BARHL1: variants seen among roughly 807,000 people sequenced by gnomAD.
BARHL1 encodes barH-like 1 homeobox protein.
Under a neutral mutation model 20.1 loss-of-function variants are expected in BARHL1, and 2 were observed. The ratio of observed to expected loss-of-function variants is 0.10; its 90% CI spans 0.04 to 0.31. The LOEUF (loss-of-function observed/expected upper bound fraction) is 0.31. Among genes scored for constraint, BARHL1 ranks in the 10% least tolerant of loss-of-function variants. BARHL1 has a pLI of 1.00. For synonymous variants in BARHL1, 213 were observed against 209.9 expected (o/e 1.01, Z -0.13); for missense variants, 397 against 454.0 (o/e 0.87, Z 1.14).
At position 132,589,390 on chromosome 9, in the gene BARHL1, C is replaced by A. The variant is rs1250621564; in HGVS notation, c.852C>A (p.Ser284Arg). The change falls in exon 3 of 3, where the codon AGC becomes AGA. Residue 284 changes from serine to arginine, a missense_variant. Coordinates refer to ENST00000263610, the MANE Select transcript of BARHL1 (RefSeq NM_020064.4). ...GAALYLYRGP[S>R]APPPALQRPL... ...CGCTCTACCTGTACCGCGGCCCCAG[C>A]GCGCCGCCGCCTGCTCTCCAGAGAC... 1.6e-5 allele frequency: 26 copies of A among 1,612,460 alleles called. No homozygotes were observed. Among genetic ancestry groups the A allele is most frequent in the South Asian group, 1.1e-5 (1 of 90,978 alleles).
chr9:132,584,167 A>AAGGAAGGAAGGAAGGAAGGG (rs1254098064), intron 1 of BARHL1, among the ~76,000 whole-genome samples: 10 of 139,060 alleles, frequency 7.2e-5, no homozygotes, highest in African/African-American at 2.6e-4. Context: ...GGAAGGAAGG[A>AAGGAAGGAAGGAAGGAAGGG]AGGGAAAGGG....
rs1830196325 is a variant in BARHL1, at chr9:132,590,192, G to C, written c.*670G>C. On this transcript the variant is annotated 3_prime_UTR_variant, in exon 3 of 3. Transcript: ENST00000263610. ...CCCCCAGCCTCAGCCCCGGTCCGGG[G>C]GCAGCCAGGCCTCTCGGGTTCTCTC... The C allele has an allele frequency of 6.6e-6, 1 of 152,174 alleles. No homozygotes were observed. Among genetic ancestry groups the C allele is most frequent in the African/African-American group, 2.4e-5 (1 of 41,458 alleles). The allele number at this position is 152,174 out of a possible 1,614,324, so 9.4% of individuals were successfully genotyped here. A position where few individuals can be genotyped will look rare whatever the true frequency, so the allele number is the denominator to read the frequency against.
rs1349191516 is a variant in BARHL1 at position 132,589,730 on chromosome 9, G to A, written c.*208G>A. On this transcript the variant is annotated 3_prime_UTR_variant, in exon 3 of 3. Coordinates refer to ENST00000263610, the MANE Select transcript of BARHL1 (RefSeq NM_020064.4). ...CTGCGTCTCCCCAGCCCCCCTCGGC[G>A]TCCTCTCTCGCGGCCGCTCTGTCCG... 10 of 631,530 alleles carry A rather than the reference G, an allele frequency of 1.6e-5. No individual in the cohort carries two copies. The highest frequency in any genetic ancestry group is 2.2e-5 in the Non-Finnish European group (10 of 451,356). The allele number at this position is 631,530 out of a possible 1,614,324, so 39.1% of individuals were successfully genotyped here.
chr9:132,584,697 C>A (rs190452400), intron 1 of BARHL1, among the ~76,000 whole-genome samples: 1,917 of 152,318 alleles, frequency 0.013, 13 homozygotes, highest in Non-Finnish European at 0.021. Flanking sequence ...CCAGGCTGTG[C>A]CGACCATGCC....
In BARHL1 at chr9:132,585,285, T is replaced by C. The variant is rs185251130; in HGVS notation, c.466+2022T>C. On this transcript the variant is annotated intron_variant, in intron 1 of 2. Transcript: ENST00000263610. ...GCAGCGAGGCCTTGTCTGGAGCGTTTCTCAAACGTGGAGGGGACCTTTTCA... is the reference window on the plus strand; with the variant it reads ...GCAGCGAGGCCTTGTCTGGAGCGTTCCTCAAACGTGGAGGGGACCTTTTCA... Among the ~76,000 whole-genome samples the C allele has an allele frequency of 6.6e-5, 10 of 152,232 alleles. No individual in the cohort carries two copies. The East Asian group carries it at 1.9e-3, about 29-fold the overall frequency.
chr9:132,587,175 C>T lies in BARHL1; in HGVS notation c.467-154C>T, dbSNP rs1246887824. On this transcript the variant is annotated intron_variant, in intron 1 of 2. Coordinates refer to ENST00000263610, the MANE Select transcript of BARHL1 (RefSeq NM_020064.4). This position sits in a 1 kb window ranked among gnomAD's most constrained non-coding sequence, Gnocchi z 5.5. ...AGGGTTCATGTCCTGTTCCCGGGGC[C>T]CCAGAGGTCCCGTCTGAGAGCGGCC... 1.3e-5 allele frequency among the ~76,000 whole-genome samples: 2 copies of T among 152,220 alleles called. No individual in the cohort carries two copies. The highest frequency in any genetic ancestry group is 2.9e-5 in the Non-Finnish European group (2 of 68,042).
intron 1 of BARHL1, among the ~76,000 whole-genome samples, chr9:132,585,692 A>G (rs1436207664): frequency 1.3e-5 from 2 of 152,184 alleles, no homozygotes; most frequent in African/African-American, 4.8e-5. Flanking sequence ...GAGGAGGCCA[A>G]GGCAGAGTGG....
chr9:132,586,215 A>C (rs572303004), intron 1 of BARHL1, among the ~76,000 whole-genome samples: 8 of 152,232 alleles, frequency 5.3e-5, no homozygotes, highest in Non-Finnish European at 1.2e-4. Flanking sequence ...TCCTACAGAG[A>C]GAAATCACCT....
rs1255400068 is a variant in BARHL1, at chr9:132,587,646, G to T, written c.689+95G>T. 2.2e-5 allele frequency: 28 copies of T among 1,259,194 alleles called. 1 individual carries two copies. The East Asian group carries it at 5.9e-4, about 26-fold the overall frequency. 78.0% of individuals were successfully genotyped at this position (1,259,194 alleles called of 1,614,324 possible). ...CAGGAGTCTACAGGTTGGTGCTAAG[G>T]GAGGGCCCCAGAGCCTCCCCCATTC... On this transcript the variant is annotated intron_variant, in intron 2 of 2. Transcript: ENST00000263610. The surrounding 1 kb of genome is among the most constrained non-coding windows in gnomAD (Gnocchi z 5.5).
At chr9:132,586,978 C>T (rs919288869) in intron 1 of BARHL1, among the ~76,000 whole-genome samples, 1 of 152,264 alleles carries the variant, frequency 6.6e-6, no homozygotes, top group Non-Finnish European at 1.5e-5. Flanking sequence ...CCTACGCTGG[C>T]AGGCTGGGTC....
At chr9:132,585,531 G>A (rs1564260623) in intron 1 of BARHL1, among the ~76,000 whole-genome samples, 2 of 152,162 alleles carry the variant, frequency 1.3e-5, no homozygotes, top group Admixed American at 1.3e-4. Context: ...CGACACTAGC[G>A]GCTGGATCCA....
chr9:132,586,374 C>T (rs1212642746), intron 1 of BARHL1, among the ~76,000 whole-genome samples: 1 of 152,224 alleles, frequency 6.6e-6, no homozygotes, highest in African/African-American at 2.4e-5. Context: ...TATATAATCG[C>T]TTTAGAGGGA....
In BARHL1 at chr9:132,583,181, C is replaced by T. The variant is rs756995954; in HGVS notation, c.384C>T (p.Arg128=). ...GQPAAPEPGG[R]LAAKAAEDFR... ...CGGCAGCCCCTGAGCCTGGGGGCCGCCTTGCGGCCAAGGCCGCGGAGGACT... is the reference window on the plus strand; with the variant it reads ...CGGCAGCCCCTGAGCCTGGGGGCCGTCTTGCGGCCAAGGCCGCGGAGGACT... Residue 128 remains arginine, a synonymous_variant, in exon 1 of 3, where the codon CGC becomes CGT. Coordinates refer to ENST00000263610, the MANE Select transcript of BARHL1 (RefSeq NM_020064.4). 1 of 1,613,530 alleles carries T rather than the reference C, an allele frequency of 6.2e-7. No homozygotes were observed. Among genetic ancestry groups the T allele is most frequent in the Non-Finnish European group, 8.5e-7 (1 of 1,179,940 alleles).
Position 132,587,305 on chromosome 9 carries a change from C to G in BARHL1, c.467-24C>G. 6.3e-7 allele frequency: 1 copy of G among 1,575,230 alleles called. No homozygotes were observed. The highest frequency in any genetic ancestry group is 8.6e-7 in the Non-Finnish European group (1 of 1,162,774). ...ACCGGCGGCGGCTGCGAGGCCGGGC[C>G]CTGACATGCCGCTGTGTCCGCAGTG... On this transcript the variant is annotated intron_variant, in intron 1 of 2. Transcript: ENST00000263610. The surrounding 1 kb of genome is among the most constrained non-coding windows in gnomAD (Gnocchi z 5.5).
chr9:132,586,185 C>A (rs1830142624), intron 1 of BARHL1, among the ~76,000 whole-genome samples: 1 of 152,236 alleles, frequency 6.6e-6, no homozygotes, highest in Admixed American at 6.5e-5. Flanking sequence ...CCTAACGGCT[C>A]AATTAACCGG....
At chr9:132,584,150 G>GAAGA (rs1830104321) in intron 1 of BARHL1, among the ~76,000 whole-genome samples, 3 of 151,798 alleles carry the variant, frequency 2.0e-5, no homozygotes, top group African/African-American at 7.3e-5. Flanking sequence ...AGGAAGGAAG[G>GAAGA]AAGGAAGGAA....
rs1027914930 is a variant in BARHL1 at position 132,582,739 on chromosome 9, G to A, written c.-59G>A. The A allele has an allele frequency of 1.3e-5, 18 of 1,420,508 alleles. No individual in the cohort carries two copies. The East Asian group carries it at 3.6e-4, about 28-fold the overall frequency. The allele number at this position is 1,420,508 out of a possible 1,614,324, so 88.0% of individuals were successfully genotyped here. ...GCCCGCAGCTAGGGGCAGGGGCAGC[G>A]GCGGCTGGGGTTGGGGGTGGGTGGG... On this transcript the variant is annotated 5_prime_UTR_variant, in exon 1 of 3. Coordinates refer to ENST00000263610, the MANE Select transcript of BARHL1 (RefSeq NM_020064.4).
Position 132,582,821 on chromosome 9 carries a change from G to A in BARHL1, c.24G>A (p.Gly8=), listed in dbSNP as rs1455626427. The A allele has an allele frequency of 1.3e-6, 2 of 1,599,522 alleles. No individual in the cohort carries two copies. Among genetic ancestry groups the A allele is most frequent in the Non-Finnish European group, 1.7e-6 (2 of 1,170,310 alleles). The change falls in exon 1 of 3, where the codon GGG becomes GGA. Residue 8 remains glycine (G), a synonymous_variant. Transcript: ENST00000263610. ...CTATGGAAGGCTCCAATGGCTTTGGGATCGACTCCATTCTCTCCCACCGCG... is the reference window on the plus strand; with the variant it reads ...CTATGGAAGGCTCCAATGGCTTTGGAATCGACTCCATTCTCTCCCACCGCG... The part of the protein sequence containing the change: MEGSNGF[G]IDSILSHRAG...
chr9:132,587,201 C>T lies in BARHL1; in HGVS notation c.467-128C>T, dbSNP rs1410274003. ...CCAGAGGTCCCGTCTGAGAGCGGCCCCCGCGAGCTTGGGTGTCGCGGAACC... is the reference window on the plus strand; with the variant it reads ...CCAGAGGTCCCGTCTGAGAGCGGCCTCCGCGAGCTTGGGTGTCGCGGAACC... On this transcript the variant is annotated intron_variant, in intron 1 of 2. Transcript: ENST00000263610. The surrounding 1 kb of genome is among the most constrained non-coding windows in gnomAD (Gnocchi z 5.5). The T allele has an allele frequency of 8.0e-5, 73 of 911,992 alleles. No individual in the cohort carries two copies. Among genetic ancestry groups the T allele is most frequent in the South Asian group, 7.4e-4 (46 of 61,908 alleles). The allele number at this position is 911,992 out of a possible 1,614,324, so 56.5% of individuals were successfully genotyped here.
Sources: allele counts gnomAD v4.1 joint callset (sites outside exome capture counted in the v4.1 genomes callset), GRCh38; gene constraint gnomAD v4.1.1; non-coding constraint Gnocchi (gnomAD v3.1); transcripts MANE v1.5; gene names NCBI Gene and HGNC (gene_info 2026-07-23, HGNC 2026-07-21).